ATP2B2: variants seen among roughly 807,000 people sequenced by gnomAD.
The protein encoded by ATP2B2 is ATPase plasma membrane Ca2+ transporting 2.
Under a neutral mutation model 120.0 loss-of-function variants are expected in ATP2B2, and 15 were observed. That is an observed-to-expected ratio of 0.12 (90% CI 0.08 to 0.19). The LOEUF is 0.19. Among genes scored for constraint, ATP2B2 ranks in the 10% least tolerant of loss-of-function variants. ATP2B2 has a pLI of 1.00. For synonymous variants in ATP2B2, 694 were observed against 700.3 expected (o/e 0.99, Z 0.14); for missense variants, 1,045 against 1,719.8 (o/e 0.61, Z 6.94).
intron 5 of ATP2B2, among the ~76,000 whole-genome samples, chr3:10,398,903 C>G (rs756430099): frequency 1.3e-5 from 2 of 152,170 alleles, no homozygotes; most frequent in African/African-American, 2.4e-5. Context: ...GCCCCTGCTC[C>G]GAGACCCGGC....
chr3:10,633,305 A>AG (rs2069923444), intron 1 of ATP2B2, among the ~76,000 whole-genome samples: 1 of 152,194 alleles, frequency 6.6e-6, no homozygotes, highest in African/African-American at 2.4e-5. Flanking sequence ...CGCTTCCAAA[A>AG]GGTTTCCACA....
chr3:10,557,797 C>A (rs1399249896), intron 2 of ATP2B2, among the ~76,000 whole-genome samples: 1 of 152,124 alleles, frequency 6.6e-6, no homozygotes, highest in Non-Finnish European at 1.5e-5. Context: ...TCCGTGTGAG[C>A]CTGCAGTCCA....
chr3:10,545,831 G>C (rs1390855841), intron 2 of ATP2B2, among the ~76,000 whole-genome samples: 1 of 151,946 alleles, frequency 6.6e-6, no homozygotes, highest in Admixed American at 6.6e-5. Context: ...AGAATATTAG[G>C]CATCTATCAA....
At chr3:10,484,508 C>G (rs748818111) in intron 1 of ATP2B2, among the ~76,000 whole-genome samples, 11 of 152,106 alleles carry the variant, frequency 7.2e-5, no homozygotes, top group Admixed American at 3.9e-4. Context: ...TCTCCATGAC[C>G]CACCTGCTGC....
chr3:10,579,580 G>C (rs146072412), intron 2 of ATP2B2, among the ~76,000 whole-genome samples: 3 of 152,102 alleles, frequency 2.0e-5, no homozygotes, highest in Non-Finnish European at 4.4e-5. Context: ...AGGTCGAGGC[G>C]GGCAGAGCAC....
In ATP2B2 at chr3:10,408,332, TTTTG is replaced by T. The variant is rs368379708; in HGVS notation, c.397+2282_397+2285del. Among the ~76,000 whole-genome samples the T allele has an allele frequency of 9.6e-3, 1,464 of 152,180 alleles. 26 individuals carry two copies. Among genetic ancestry groups the T allele is most frequent in the African/African-American group, 0.031 (1,272 of 41,520 alleles). On this transcript the variant is annotated intron_variant, in intron 3 of 22. Transcript: ENST00000360273. The stretch of plus-strand genomic sequence containing the variant: ...TGAAACTGATGTCTGTCTCAGGGTT[TTTTG>T]TTTGTTTGTTTGTTTGTTTTTGCAC...
intron 1 of ATP2B2, among the ~76,000 whole-genome samples, chr3:10,688,072 T>C (rs1039831643): frequency 6.6e-6 from 1 of 152,164 alleles, no homozygotes; most frequent in Non-Finnish European, 1.5e-5. Context: ...ATGACCCCTA[T>C]GAGGAAGTTA....
intron 2 of ATP2B2, among the ~76,000 whole-genome samples, chr3:10,601,015 C>T (rs1460473954): frequency 1.3e-5 from 2 of 152,116 alleles, no homozygotes; most frequent in African/African-American, 4.8e-5. Flanking sequence ...TTCTCGGAGC[C>T]TACAAAACCA....
intron 2 of ATP2B2, among the ~76,000 whole-genome samples, chr3:10,431,223 C>T (rs557747705): frequency 3.3e-5 from 5 of 152,260 alleles, no homozygotes; most frequent in East Asian, 1.9e-4. Flanking sequence ...GATTGAGCAG[C>T]GGCAGTGTTT....
intron 22 of ATP2B2, 31 bp downstream of exon 22, chr3:10,338,145 C>T (rs2060177356): frequency 6.2e-7 from 1 of 1,613,014 alleles, no homozygotes; most frequent in Admixed American, 1.7e-5. Flanking sequence ...CCCGGCCAGG[C>T]CTGGGCCCAG....
intron 2 of ATP2B2, among the ~76,000 whole-genome samples, chr3:10,563,860 C>T (rs1483137432): frequency 6.6e-6 from 1 of 152,188 alleles, no homozygotes; most frequent in Non-Finnish European, 1.5e-5. Context: ...TGTCAAAAAC[C>T]ACACAACTTT....
At chr3:10,374,960 G>A (rs993437319) in intron 11 of ATP2B2, among the ~76,000 whole-genome samples, 1 of 152,244 alleles carries the variant, frequency 6.6e-6, no homozygotes, top group African/African-American at 2.4e-5. Context: ...CGCTACAGTT[G>A]CCCGCGGGGC....
intron 1 of ATP2B2, among the ~76,000 whole-genome samples, chr3:10,464,391 G>C (rs2064644175): frequency 6.6e-6 from 1 of 152,112 alleles, no homozygotes; most frequent in Non-Finnish European, 1.5e-5. Flanking sequence ...CCAAGGGTTT[G>C]ATGCTGAGGC....
intron 5 of ATP2B2, among the ~76,000 whole-genome samples, chr3:10,400,185 G>C (rs1047328686): frequency 6.6e-6 from 1 of 152,192 alleles, no homozygotes; most frequent in Admixed American, 6.5e-5. Context: ...AGCTGAGTGA[G>C]CTTGTAAAAA....
At chr3:10,693,168 C>A (rs2071694390) in intron 1 of ATP2B2, among the ~76,000 whole-genome samples, 1 of 152,184 alleles carries the variant, frequency 6.6e-6, no homozygotes, top group Admixed American at 6.5e-5. Context: ...TAAGGCTTGA[C>A]AATCACACTT....
At chr3:10,588,931 G>A (rs949348786) in intron 2 of ATP2B2, among the ~76,000 whole-genome samples, 5 of 152,220 alleles carry the variant, frequency 3.3e-5, no homozygotes, top group East Asian at 1.9e-4. Flanking sequence ...GCAGTGCTGC[G>A]TGAGCCTGTG....
intron 5 of ATP2B2, among the ~76,000 whole-genome samples, chr3:10,389,321 A>G (rs2061776878): frequency 2.6e-5 from 4 of 152,222 alleles, no homozygotes; most frequent in Admixed American, 2.6e-4. Flanking sequence ...AGGCTCAGAG[A>G]GCAACTTGTC....
At chr3:10,516,678 C>T (rs117056538) in intron 3 of ATP2B2, among the ~76,000 whole-genome samples, 3 of 152,320 alleles carry the variant, frequency 2.0e-5, no homozygotes, top group East Asian at 3.9e-4. Context: ...CTTCTCCTGG[C>T]GTGGCACTGG....
chr3:10,461,621 C>A (rs1241660846), intron 1 of ATP2B2, among the ~76,000 whole-genome samples: 2 of 152,142 alleles, frequency 1.3e-5, no homozygotes, highest in African/African-American at 4.8e-5. Flanking sequence ...AGGTCTGCAG[C>A]CCCCACCCTG....
Sources: allele counts gnomAD v4.1 joint callset (sites outside exome capture counted in the v4.1 genomes callset), GRCh38; gene constraint gnomAD v4.1.1; transcripts MANE v1.5; gene names NCBI Gene and HGNC (gene_info 2026-07-23, HGNC 2026-07-21).